Variants in ATP10A observed in about 807,000 individuals in gnomAD.
ATP10A encodes phospholipid-transporting ATPase VA.
Under a neutral mutation model 147.8 loss-of-function variants are expected in ATP10A, and 111 were observed. The ratio of observed to expected loss-of-function variants is 0.75; its 90% CI spans 0.64 to 0.88. The LOEUF (loss-of-function observed/expected upper bound fraction) is 0.88, where lower values mean the gene tolerates loss of function less well. Ranked by LOEUF, ATP10A falls within the 40% of genes least tolerant of loss-of-function variation. The pLI, the probability that ATP10A is intolerant of heterozygous loss-of-function variation, is 0.00. For missense variants in ATP10A, 1,927 were observed against 1,959.0 expected (o/e 0.98, Z 0.31); for synonymous variants, 875 against 841.6 (o/e 1.04, Z -0.69).
chr15:25,744,021 T>C (rs1029872480), intron 2 of ATP10A, among the ~76,000 whole-genome samples: 3 of 152,166 alleles, frequency 2.0e-5, no homozygotes, highest in Non-Finnish European at 4.4e-5. Flanking sequence ...ACCACTATTC[T>C]GTCTACTATA....
At position 25,731,778 on chromosome 15, in the gene ATP10A, C is replaced by T. The variant is rs944918955; in HGVS notation, c.740+4278G>A. ...CTTAAAGGGCACTTGAATAATGAGG[C>T]TCCTAGCACTATTTTTCTGCCAGCT... On this transcript the variant is annotated intron_variant, in intron 3 of 20. Coordinates refer to ENST00000555815, the MANE Select transcript of ATP10A (RefSeq NM_024490.4). 3.9e-5 allele frequency among the ~76,000 whole-genome samples: 6 copies of T among 152,334 alleles called. No homozygotes were observed. In the East Asian group the frequency reaches 1.2e-3, roughly 29 times the overall value.
At chr15:25,701,536 A>G (rs1313223257) in intron 13 of ATP10A, among the ~76,000 whole-genome samples, 2 of 152,208 alleles carry the variant, frequency 1.3e-5, no homozygotes, top group East Asian at 1.9e-4. Flanking sequence ...ATTTAAACAG[A>G]CAAATCCAAC....
intron 13 of ATP10A, 74 bp from the exon 14 acceptor site, chr15:25,695,220 C>T (rs981040252): frequency 7.1e-6 from 10 of 1,401,748 alleles, no homozygotes; most frequent in South Asian, 1.4e-5. Flanking sequence ...GGCTCAACAC[C>T]TCTGGAGCTG....
At chr15:25,777,025 C>T (rs1293798689) in intron 2 of ATP10A, among the ~76,000 whole-genome samples, 6 of 152,026 alleles carry the variant, frequency 3.9e-5, no homozygotes, top group Admixed American at 3.3e-4. Context: ...CTGAGTCCTC[C>T]ACGTATTGGT....
chr15:25,807,207 TCCTACCTGGAGCACCA>T (rs1461833056), intron 1 of ATP10A, among the ~76,000 whole-genome samples: 2 of 152,200 alleles, frequency 1.3e-5, no homozygotes, highest in Non-Finnish European at 1.5e-5. Context: ...TCATCCACTC[TCCTACCTGGAGCACCA>T]CTGGCTGCTC....
chr15:25,847,108 C>T (rs144257760), intron 1 of ATP10A, among the ~76,000 whole-genome samples: 6 of 152,322 alleles, frequency 3.9e-5, no homozygotes, highest in African/African-American at 1.4e-4. Context: ...TGGCTTTTAT[C>T]AGGATAACTA....
chr15:25,675,802 C>G (rs1027390735), downstream of ATP10A, among the ~76,000 whole-genome samples: 1 of 152,112 alleles, frequency 6.6e-6, no homozygotes, highest in Non-Finnish European at 1.5e-5. Flanking sequence ...AAAAATTAGC[C>G]GGGCATGGTG....
chr15:25,863,439 C>T (rs1158254248), upstream of ATP10A, among the ~76,000 whole-genome samples: 2 of 152,160 alleles, frequency 1.3e-5, no homozygotes, highest in African/African-American at 4.8e-5. Context: ...CTGGGCCACG[C>T]CGGATAGCGG....
chr15:25,856,719 G>A (rs1322964278), intron 1 of ATP10A, among the ~76,000 whole-genome samples: 1 of 152,046 alleles, frequency 6.6e-6, no homozygotes. Context: ...GTCTCCTAAT[G>A]GAAGTGCAGA....
intron 1 of ATP10A, among the ~76,000 whole-genome samples, chr15:25,831,220 C>T (rs374768646): frequency 7.2e-5 from 11 of 152,072 alleles, no homozygotes. Context: ...GTGTGTGGCT[C>T]GGGGGCCTCG....
intron 2 of ATP10A, among the ~76,000 whole-genome samples, chr15:25,750,446 T>A (rs1474913407): frequency 6.6e-6 from 1 of 151,286 alleles, no homozygotes; most frequent in Admixed American, 6.6e-5. Flanking sequence ...CAGAAAAAAA[T>A]GATAAAGGAA....
chr15:25,864,145 G>C (rs1367088049), upstream of ATP10A, among the ~76,000 whole-genome samples: 2 of 152,090 alleles, frequency 1.3e-5, no homozygotes, highest in East Asian at 3.9e-4. Flanking sequence ...GAGGATGGTT[G>C]TGGGGAGGAG....
At chr15:25,716,512 A>G (rs894558658) in intron 9 of ATP10A, among the ~76,000 whole-genome samples, 3 of 152,110 alleles carry the variant, frequency 2.0e-5, no homozygotes, top group Non-Finnish European at 2.9e-5. Flanking sequence ...CTTGGCCCCA[A>G]TCATAGCCCC....
chr15:25,832,909 C>A (rs1461734000), intron 1 of ATP10A, among the ~76,000 whole-genome samples: 1 of 151,814 alleles, frequency 6.6e-6, no homozygotes, highest in Non-Finnish European at 1.5e-5. Flanking sequence ...TATACATAGG[C>A]AATATCACTC....
chr15:25,755,233 G>A (rs572209732), intron 2 of ATP10A, among the ~76,000 whole-genome samples: 21 of 152,242 alleles, frequency 1.4e-4, no homozygotes, highest in Middle Eastern at 3.4e-3. Context: ...AAAGACCTTC[G>A]AAAGTTTTCT....
chr15:25,675,953 A>G (rs888278382), downstream of ATP10A, among the ~76,000 whole-genome samples: 1 of 150,882 alleles, frequency 6.6e-6, no homozygotes, highest in Non-Finnish European at 1.5e-5. Context: ...TGGAAAGGAA[A>G]GGGGAAGGGG....
chr15:25,768,339 T>C (rs2140654402), intron 2 of ATP10A, among the ~76,000 whole-genome samples: 1 of 152,158 alleles, frequency 6.6e-6, no homozygotes, highest in South Asian at 2.1e-4. Flanking sequence ...TGAGAAAAAA[T>C]GGCATTGTCT....
At chr15:25,706,381 C>T (rs1382973461) in intron 12 of ATP10A, among the ~76,000 whole-genome samples, 1 of 152,166 alleles carries the variant, frequency 6.6e-6, no homozygotes, top group Non-Finnish European at 1.5e-5. Flanking sequence ...TGTGCCTGCG[C>T]CACGCTCAGT....
intron 2 of ATP10A, among the ~76,000 whole-genome samples, chr15:25,768,467 A>C (rs1035443529): frequency 2.0e-5 from 3 of 151,682 alleles, no homozygotes; most frequent in African/African-American, 7.3e-5. Context: ...CTTCAACCCC[A>C]GACCCAGGTC....
Sources: allele counts gnomAD v4.1 joint callset (sites outside exome capture counted in the v4.1 genomes callset), GRCh38; gene constraint gnomAD v4.1.1; transcripts MANE v1.5; gene names NCBI Gene and HGNC (gene_info 2026-07-23, HGNC 2026-07-21).